ADAMTSL2: variants seen among roughly 807,000 people sequenced by gnomAD.
ADAMTSL2 encodes ADAMTS like 2, also known as ADAMTS-like protein 2.
A neutral mutation model predicts 117.0 loss-of-function variants in ADAMTSL2; 55 were observed. The observed-to-expected ratio is 0.47, with a 90% CI of 0.38 to 0.59. The LOEUF (loss-of-function observed/expected upper bound fraction) is 0.59, where lower values mean the gene tolerates loss of function less well. Among genes scored for constraint, ADAMTSL2 ranks in the 20% least tolerant of loss-of-function variants. The pLI is 0.00. For missense variants in ADAMTSL2, 1,182 were observed against 1,354.5 expected, an observed-to-expected ratio of 0.87 and a Z score of 2.00; for synonymous variants, 572 against 566.4, an observed-to-expected ratio of 1.01 and a Z score of -0.14.
chr9:133,554,569 G>A lies in ADAMTSL2; in HGVS notation c.1152G>A (p.Arg384=). ...CAGAGCGGCTGGGCCTGGACAACCGGCTGTTCGGCCACCCGGGCCTGGACA... is the reference window on the plus strand; with the variant it reads ...CAGAGCGGCTGGGCCTGGACAACCGACTGTTCGGCCACCCGGGCCTGGACA... ...ASSERLGLDN[R]LFGHPGLDME... is the part of the protein sequence containing the mutation. The change falls in exon 10 of 19, where the codon CGG becomes CGA. Residue 384 remains arginine, a synonymous_variant. Coordinates refer to ENST00000651351, the MANE Select transcript of ADAMTSL2 (RefSeq NM_014694.4). This position sits in a 1 kb window ranked among gnomAD's most constrained non-coding sequence, Gnocchi z 5.2. The A allele has an allele frequency of 6.5e-7, 1 of 1,546,758 alleles. No individual in the cohort carries two copies. Among genetic ancestry groups the A allele is most frequent in the East Asian group, 2.4e-5 (1 of 41,040 alleles).
rs11525182 is a variant in ADAMTSL2, at chr9:133,536,303, G to A, written c.-150-260G>A. Reference sequence around the variant, plus strand: ...GGACTGAGCCCAGGCCCATCCCTTCGAACCAGAGCCTTTCCCCCCGCCTGG... The same window carrying A: ...GGACTGAGCCCAGGCCCATCCCTTCAAACCAGAGCCTTTCCCCCCGCCTGG... On this transcript the variant is annotated intron_variant, in intron 1 of 18. Transcript: ENST00000651351. Among the ~76,000 whole-genome samples the A allele has an allele frequency of 0.32, 48,820 of 152,122 alleles. 8,374 individuals carry two copies. Among genetic ancestry groups the A allele is most frequent in the South Asian group, 0.47 (2,279 of 4,818 alleles).
At chr9:133,543,906 A>G (rs1043301477) in intron 7 of ADAMTSL2, among the ~76,000 whole-genome samples, 7 of 152,164 alleles carry the variant, frequency 4.6e-5, no homozygotes, top group African/African-American at 1.7e-4. Context: ...GGCCTTGAAG[A>G]CAGGCTCTGA....
At chr9:133,565,209 G>A (rs1401340297) in intron 12 of ADAMTSL2, among the ~76,000 whole-genome samples, 1 of 152,130 alleles carries the variant, frequency 6.6e-6, no homozygotes, top group Non-Finnish European at 1.5e-5. Flanking sequence ...CGAGATGGGT[G>A]TCATGAAGAG....
chr9:133,536,507 C>A (rs1043530943), intron 1 of ADAMTSL2, 56 bp from the exon 2 acceptor site: 80 of 1,496,890 alleles, frequency 5.3e-5, no homozygotes, highest in Non-Finnish European at 6.9e-5. Flanking sequence ...TAATCATTCA[C>A]CAAGCTCCTT....
At chr9:133,568,569 A>T in intron 14 of ADAMTSL2, 34 bp from the exon 15 acceptor site, 1 of 1,554,870 alleles carries the variant, frequency 6.4e-7, no homozygotes, top group Non-Finnish European at 8.7e-7. Context: ...CACCTGTGTC[A>T]CACCCCCCCT....
At chr9:133,546,994 C>T (rs1345981768) in intron 8 of ADAMTSL2, 44 bp from the exon 9 acceptor site, 2 of 1,600,594 alleles carry the variant, frequency 1.2e-6, no homozygotes, top group African/African-American at 1.3e-5. Context: ...GGCTCCTCCC[C>T]CAGCCAGTTT....
Position 133,554,324 on chromosome 9 carries a change from G to T in ADAMTSL2, c.940-33G>T. 6.6e-7 allele frequency: 1 copy of T among 1,521,168 alleles called. No homozygotes were observed. The highest frequency in any genetic ancestry group is 2.4e-5 in the East Asian group (1 of 41,150). 94.2% of individuals were successfully genotyped at this position (1,521,168 alleles called of 1,614,324 possible). A position where few individuals can be genotyped will look rare whatever the true frequency, so the allele number is the denominator to read the frequency against. On this transcript the variant is annotated intron_variant, in intron 9 of 18. Coordinates refer to ENST00000651351, the MANE Select transcript of ADAMTSL2 (RefSeq NM_014694.4). This position sits in a 1 kb window ranked among gnomAD's most constrained non-coding sequence, Gnocchi z 5.2. ...GTGGGGAAGGGGCTGGACAGAGTAA[G>T]GAGGGGCTGGGGACCCACTTCTCTT...
At chr9:133,542,736 C>T (rs943388387) in intron 7 of ADAMTSL2, among the ~76,000 whole-genome samples, 22 of 152,194 alleles carry the variant, frequency 1.4e-4, no homozygotes, top group African/African-American at 4.8e-4. Flanking sequence ...AGGCAGCCTA[C>T]TCTTGGCCTG....
At chr9:133,552,520 A>C (rs1389824115) in intron 9 of ADAMTSL2, among the ~76,000 whole-genome samples, 1 of 152,178 alleles carries the variant, frequency 6.6e-6, no homozygotes, top group Non-Finnish European at 1.5e-5. Flanking sequence ...CTGGGTCAAG[A>C]CTGTAAACAC....
chr9:133,569,425 G>T lies in ADAMTSL2; in HGVS notation c.2262G>T (p.Gly754=). Residue 754 remains glycine (G), a synonymous_variant, in exon 16 of 19, where the codon GGG becomes GGT. Coordinates refer to ENST00000651351, the MANE Select transcript of ADAMTSL2 (RefSeq NM_014694.4). ...SDWGPCSGSC[G]QGRTIRHVYC... is the part of the protein sequence containing the mutation. ...CCCTGCAGTGCAGTGGAAGCTGCGGGCAAGGCCGCACCATCAGGCACGTGT... is the reference window on the plus strand; with the variant it reads ...CCCTGCAGTGCAGTGGAAGCTGCGGTCAAGGCCGCACCATCAGGCACGTGT... 2 of 1,613,474 alleles carry T rather than the reference G, an allele frequency of 1.2e-6. No individual in the cohort carries two copies. The highest frequency in any genetic ancestry group is 2.2e-5 in the South Asian group (2 of 91,058).
intron 11 of ADAMTSL2, 89 bp from the exon 12 acceptor site, chr9:133,561,109 C>T: frequency 8.8e-7 from 1 of 1,140,034 alleles, no homozygotes; most frequent in Non-Finnish European, 1.3e-6. Flanking sequence ...AACATACCCT[C>T]CGAAGAAAAC....
chr9:133,537,384 C>T (rs1830077617), intron 2 of ADAMTSL2, 21 bp from the exon 3 acceptor site: 3 of 1,333,906 alleles, frequency 2.2e-6, no homozygotes, highest in Non-Finnish European at 1.9e-6. Flanking sequence ...CCTCTACCAT[C>T]TGGGGGTCCC....
chr9:133,567,176 C>A, intron 13 of ADAMTSL2, 114 bp downstream of exon 13: 1 of 1,360,194 alleles, frequency 7.4e-7, no homozygotes, highest in Non-Finnish European at 1.0e-6. Context: ...TGTGCAGGGC[C>A]GTGGGGGCTC....
chr9:133,564,219 GGAGA>G lies in ADAMTSL2; in HGVS notation c.1748-2711_1748-2708del, dbSNP rs1447435736. Among the ~76,000 whole-genome samples, 34 of 10,484 alleles carry G rather than the reference GGAGA, an allele frequency of 3.2e-3. 5 individuals are homozygous for G. Among genetic ancestry groups the G allele is most frequent in the Admixed American group, 6.1e-3 (6 of 982 alleles). 6.9% of individuals were successfully genotyped at this position (10,484 alleles called of 152,430 possible). A position where few individuals can be genotyped will look rare whatever the true frequency, so the allele number is the denominator to read the frequency against. ...GAGAGGGAGAGAGAGAGAGGGAGAG[GGAGA>G]GAGAGGGAGAGAGAGAGAGAAAGAG... On this transcript the variant is annotated intron_variant, in intron 12 of 18. Coordinates refer to ENST00000651351, the MANE Select transcript of ADAMTSL2 (RefSeq NM_014694.4).
In ADAMTSL2 at chr9:133,569,569, C is replaced by A; in HGVS notation, c.2406C>A (p.Asp802Glu). 1 of 1,573,344 alleles carries A rather than the reference C, an allele frequency of 6.4e-7. No individual in the cohort carries two copies. Among genetic ancestry groups the A allele is most frequent in the South Asian group, 1.2e-5 (1 of 86,364 alleles). Residue 802 changes from aspartate to glutamate, a missense_variant, in exon 16 of 19, where the codon GAC becomes GAA. Coordinates refer to ENST00000651351, the MANE Select transcript of ADAMTSL2 (RefSeq NM_014694.4). ...GTCCCGCCCACTGGCTGGCCCAGGA[C>A]TGGGAGCGGGTGAGTGCCCCAGAGC... ...KNCPAHWLAQ[D>E]WERCNTTCGR...
At chr9:133,564,267 A>G (rs1448720031) in intron 12 of ADAMTSL2, among the ~76,000 whole-genome samples, 1 of 64,588 alleles carries the variant, frequency 1.5e-5, no homozygotes. Flanking sequence ...AGAGGGAGAG[A>G]GAGAGAAAGA....
chr9:133,538,566 G>T, intron 4 of ADAMTSL2, 142 bp downstream of exon 4: 1 of 966,550 alleles, frequency 1.0e-6, no homozygotes. Flanking sequence ...GAGCAGGGTT[G>T]AGAAGGCTGC....
At chr9:133,542,335 G>GAGCC (rs1830244893) in intron 7 of ADAMTSL2, among the ~76,000 whole-genome samples, 1 of 152,218 alleles carries the variant, frequency 6.6e-6, no homozygotes, top group South Asian at 2.1e-4. Flanking sequence ...CTCGCTCTAG[G>GAGCC]AGCCGCTAAG....
chr9:133,565,145 C>G (rs1830936195), intron 12 of ADAMTSL2, among the ~76,000 whole-genome samples: 1 of 152,150 alleles, frequency 6.6e-6, no homozygotes, highest in Non-Finnish European at 1.5e-5. Flanking sequence ...CCTCCCCTTT[C>G]TTTTGTTTCA....
Sources: allele counts gnomAD v4.1 joint callset (sites outside exome capture counted in the v4.1 genomes callset), GRCh38; gene constraint gnomAD v4.1.1; non-coding constraint Gnocchi (gnomAD v3.1); transcripts MANE v1.5; gene names NCBI Gene and HGNC (gene_info 2026-07-23, HGNC 2026-07-21).